The following TTLL10 variants were observed in gnomAD, a reference collection of about 807,000 sequenced individuals.
TTLL10 encodes inactive polyglycylase TTLL10.
Under a neutral mutation model 69.0 loss-of-function variants are expected in TTLL10, and 61 were observed. The observed-to-expected ratio is 0.88, with a 90% CI of 0.72 to 1.09. The LOEUF (loss-of-function observed/expected upper bound fraction) is 1.09. TTLL10 is among the 50% of genes least tolerant of loss of function. The probability of loss-of-function intolerance (pLI) is 0.00; values close to 1 mark genes in which losing one functional copy is unlikely to be tolerated. For synonymous variants in TTLL10, 408 were observed against 393.3 expected (o/e 1.04, Z -0.44); for missense variants, 962 against 945.9 (o/e 1.02, Z -0.22).
intron 13 of TTLL10, among the ~76,000 whole-genome samples, chr1:1,189,148 A>G (rs550944369): frequency 1.3e-5 from 2 of 152,180 alleles, no homozygotes; most frequent in Non-Finnish European, 2.9e-5. Flanking sequence ...TTCTTTTCTT[A>G]CATATTGCCG....
intron 13 of TTLL10, among the ~76,000 whole-genome samples, chr1:1,192,833 CACTCCAGTTGGT>C (rs1647924618): frequency 6.6e-6 from 1 of 152,158 alleles, no homozygotes; most frequent in Admixed American, 6.5e-5. Context: ...TGAGTGTAGA[CACTCCAGTTGGT>C]ATGAGTGTAG....
At chr1:1,191,621 C>T (rs1459050359) in intron 13 of TTLL10, among the ~76,000 whole-genome samples, 2 of 152,102 alleles carry the variant, frequency 1.3e-5, no homozygotes, top group African/African-American at 4.8e-5. Context: ...GTCGGGGAGA[C>T]CCTAACCCGG....
At position 1,185,342 on chromosome 1, in the gene TTLL10, G is replaced by A; in HGVS notation, c.1401+233G>A. 1 of 1,370,812 alleles carries A rather than the reference G, an allele frequency of 7.3e-7. No homozygotes were observed. Among genetic ancestry groups the A allele is most frequent in the Admixed American group, 3.3e-5 (1 of 30,072 alleles). 84.9% of individuals were successfully genotyped at this position (1,370,812 alleles called of 1,614,324 possible). ...GGAAAGCCCAGTCGGGGGTCTGTCG[G>A]CACGAGTCCCGCGGGCAGCCTCGCC... On this transcript the variant is annotated intron_variant, in intron 13 of 15. Coordinates refer to ENST00000379289, the MANE Select transcript of TTLL10 (RefSeq NM_001130045.2). This position sits in a 1 kb window ranked among gnomAD's most constrained non-coding sequence, Gnocchi z 6.1.
chr1:1,175,825 A>C (rs952204478), intron 3 of TTLL10: 12 of 396,118 alleles, frequency 3.0e-5, no homozygotes, highest in Non-Finnish European at 5.6e-5. Flanking sequence ...GCCACCGTGC[A>C]GGTGGAGAGA....
At chr1:1,179,036 G>A (rs987359915) in intron 3 of TTLL10, among the ~76,000 whole-genome samples, 153 bp from the exon 4 acceptor site, 4 of 152,240 alleles carry the variant, frequency 2.6e-5, no homozygotes, top group Admixed American at 6.5e-5. Context: ...CCACAGAGAC[G>A]GGAGCCAGCC....
At chr1:1,179,851 G>A in intron 5 of TTLL10, 114 bp downstream of exon 5, 1 of 1,449,304 alleles carries the variant, frequency 6.9e-7, no homozygotes, top group Non-Finnish European at 9.1e-7. Context: ...CCCCTCCCCA[G>A]ATGTAAGCAG....
rs142263062 is a variant in TTLL10 at position 1,185,109 on chromosome 1, G to A, written c.1401G>A (p.Lys467=). 2.1e-4 allele frequency: 336 copies of A among 1,613,386 alleles called. No homozygotes were observed. Among genetic ancestry groups the A allele is most frequent in the Non-Finnish European group, 2.6e-4 (302 of 1,179,678 alleles). The change falls in exon 13 of 16, where the codon AAG becomes AAA. Residue 467 remains lysine, a splice_region_variant and synonymous_variant. Transcript: ENST00000379289. The surrounding 1 kb of genome is among the most constrained non-coding windows in gnomAD (Gnocchi z 6.1). ...AGGACTGGGTCTTCACCACCCTCAA[G>A]GTGCGTCCACTGTGCCCTCCAGTCT... ...LAKDWVFTTL[K]KRMQQIMAHC... is the part of the protein sequence containing the mutation.
intron 10 of TTLL10, 86 bp downstream of exon 10, chr1:1,182,532 C>A: frequency 7.0e-7 from 1 of 1,422,154 alleles, no homozygotes; most frequent in Non-Finnish European, 9.9e-7. Flanking sequence ...GAGGGCAGGG[C>A]TGGGTCTGGA....
intron 11 of TTLL10, among the ~76,000 whole-genome samples, chr1:1,183,626 G>C (rs180930839): frequency 6.6e-6 from 1 of 152,172 alleles, no homozygotes; most frequent in Non-Finnish European, 1.5e-5. Context: ...CCTAGCGCCC[G>C]CCTGGCGCGC....
intron 11 of TTLL10, among the ~76,000 whole-genome samples, chr1:1,183,555 G>A (rs960799941): frequency 1.3e-5 from 2 of 152,132 alleles, no homozygotes; most frequent in African/African-American, 2.4e-5. Flanking sequence ...CCTCCCTCGC[G>A]TCCCTCCACC....
At chr1:1,197,017 A>G in intron 14 of TTLL10, 76 bp from the exon 15 acceptor site, 1 of 1,368,146 alleles carries the variant, frequency 7.3e-7, no homozygotes, top group African/African-American at 1.4e-5. Context: ...ATCTGTCTGA[A>G]TGAGGACCAG....
intron 3 of TTLL10, among the ~76,000 whole-genome samples, chr1:1,177,459 C>G (rs1646913644): frequency 2.0e-5 from 3 of 152,156 alleles, no homozygotes; most frequent in South Asian, 4.1e-4. Context: ...CTACAGGCGC[C>G]CAACACCATG....
intron 3 of TTLL10, chr1:1,176,410 T>A (rs773956004): frequency 4.4e-6 from 2 of 451,782 alleles, no homozygotes; most frequent in South Asian, 3.1e-5. Context: ...GGGCACACAG[T>A]CATCAGGTCA....
At position 1,173,931 on chromosome 1, in the gene TTLL10, G is replaced by A. The variant is rs5010606; in HGVS notation, c.-131+5G>A. 18,403 of 152,322 alleles carry A rather than the reference G, an allele frequency of 0.12. 1,542 individuals carry two copies. The highest frequency in any genetic ancestry group is 0.24 in the African/African-American group (9,791 of 41,508). 9.4% of individuals were successfully genotyped at this position (152,322 alleles called of 1,614,324 possible). On this transcript the variant is annotated splice_donor_5th_base_variant and intron_variant, in intron 1 of 15. Coordinates refer to ENST00000379289, the MANE Select transcript of TTLL10 (RefSeq NM_001130045.2). This position sits in a 1 kb window ranked among gnomAD's most constrained non-coding sequence, Gnocchi z 4.1. ...AGGACCTTGTGGGCTGGGCAGGTAA[G>A]AAGCGCCGGCGGCCACCAGCTGGGG...
chr1:1,179,831 G>A (rs1646989245), intron 5 of TTLL10, 94 bp downstream of exon 5: 3 of 1,461,024 alleles, frequency 2.1e-6, no homozygotes, highest in Non-Finnish European at 2.7e-6. Context: ...GCCCTGGAGG[G>A]TGGTCACGGC....
rs1309425851 is a variant in TTLL10, at chr1:1,197,203, C to G, written c.1612+17C>G. 1.9e-6 allele frequency: 3 copies of G among 1,545,498 alleles called. No individual in the cohort carries two copies. The highest frequency in any genetic ancestry group is 2.4e-5 in the South Asian group (2 of 83,930). Reference sequence around the variant, plus strand: ...AGACCCTGGGTGAGCCTCCAAGCCCCCACCCCACACCCCCACAACCTGCCC... The same window carrying G: ...AGACCCTGGGTGAGCCTCCAAGCCCGCACCCCACACCCCCACAACCTGCCC... On this transcript the variant is annotated intron_variant, in intron 15 of 15. Transcript: ENST00000379289.
chr1:1,176,255 G>C (rs1180144837), intron 3 of TTLL10: 1 of 446,802 alleles, frequency 2.2e-6, no homozygotes, highest in Admixed American at 2.4e-5. Flanking sequence ...CGCTGTGCAG[G>C]TGGAGAGAGG....
At chr1:1,184,657 C>T (rs1026882629) in intron 12 of TTLL10, among the ~76,000 whole-genome samples, 1 of 152,152 alleles carries the variant, frequency 6.6e-6, no homozygotes, top group African/African-American at 2.4e-5. Context: ...AGAGAACAGG[C>T]CTTCTAGGTT....
rs984338695 is a variant in TTLL10, at chr1:1,174,225, C to T, written c.-130-60C>T. 2.0e-5 allele frequency: 3 copies of T among 152,598 alleles called. 1 individual carries two copies. The highest frequency in any genetic ancestry group is 4.1e-4 in the South Asian group (2 of 4,830). 9.5% of individuals were successfully genotyped at this position (152,598 alleles called of 1,614,324 possible). A position where few individuals can be genotyped will look rare whatever the true frequency, so the allele number is the denominator to read the frequency against. ...CGTGGCCTGGGACCAGGTCTGCCTC[C>T]GCAGAGCAAGTCCTGGACGGACGGC... On this transcript the variant is annotated intron_variant, in intron 1 of 15. Coordinates refer to ENST00000379289, the MANE Select transcript of TTLL10 (RefSeq NM_001130045.2).
Sources: allele counts gnomAD v4.1 joint callset (sites outside exome capture counted in the v4.1 genomes callset), GRCh38; gene constraint gnomAD v4.1.1; non-coding constraint Gnocchi (gnomAD v3.1); transcripts MANE v1.5; gene names NCBI Gene and HGNC (gene_info 2026-07-23, HGNC 2026-07-21).